The following BTAF1 variants were observed in gnomAD, a reference collection of about 807,000 sequenced individuals.
BTAF1 encodes the protein TATA-binding protein-associated factor 172.
A neutral mutation model predicts 227.1 loss-of-function variants in BTAF1; 38 were observed. That is an observed-to-expected ratio of 0.17 (90% CI 0.13 to 0.22). The LOEUF (loss-of-function observed/expected upper bound fraction) is 0.22, where lower values mean the gene tolerates loss of function less well. Among genes scored for constraint, BTAF1 ranks in the 10% least tolerant of loss-of-function variants. The pLI is 1.00. For missense variants in BTAF1, 1,598 were observed against 2,204.0 expected, an observed-to-expected ratio of 0.73 and a Z score of 5.51; for synonymous variants, 742 against 751.9, an observed-to-expected ratio of 0.99 and a Z score of 0.21.
rs1190198573 is a variant in BTAF1 at position 92,026,616 on chromosome 10, C to T, written c.5100C>T (p.Asp1700=). Residue 1700 remains aspartate, a synonymous_variant, in exon 36 of 38, where the codon GAC becomes GAT. Transcript: ENST00000265990. ...GGTTTAATAATGATCCATCTATAGA[C>T]GTTCTGTTACTTACCACTCACGTTG... ...VSRFNNDPSI[D]VLLLTTHVGG... is the part of the protein sequence containing the mutation. 1.1e-5 allele frequency: 17 copies of T among 1,613,462 alleles called. No homozygotes were observed. The highest frequency in any genetic ancestry group is 4.0e-5 in the African/African-American group (3 of 74,982).
At chr10:91,937,932 A>G (rs1471754510) in intron 2 of BTAF1, among the ~76,000 whole-genome samples, 7 of 152,346 alleles carry the variant, frequency 4.6e-5, no homozygotes, top group South Asian at 4.1e-4. Context: ...ATCCTTGTCA[A>G]TACTTCTTGA....
rs896539429 is a variant in BTAF1, at chr10:91,963,925, A to T, written c.1405-152A>T. 6 of 724,662 alleles carry T rather than the reference A, an allele frequency of 8.3e-6. No homozygotes were observed. The African/African-American group carries it at 1.1e-4, about 13-fold the overall frequency. The allele number at this position is 724,662 out of a possible 1,614,324, so 44.9% of individuals were successfully genotyped here. On this transcript the variant is annotated intron_variant, in intron 12 of 37. Transcript: ENST00000265990. The stretch of plus-strand genomic sequence containing the variant: ...AGAATTGTTAAAGGCAAATAGTGTG[A>T]CCTCCTTAACTTTACTCAAAATTGA...
chr10:92,012,770 C>CAAAAAAAAAAAAA, intron 30 of BTAF1, among the ~76,000 whole-genome samples: 1 of 92,628 alleles, frequency 1.1e-5, no homozygotes, highest in Non-Finnish European at 2.0e-5. Context: ...GACTCTGTCT[C>CAAAAAAAAAAAAA]AAAAAAAAAA....
intron 34 of BTAF1, 21 bp from the exon 35 acceptor site, chr10:92,024,732 GTTT>G: frequency 2.4e-6 from 3 of 1,267,174 alleles, no homozygotes; most frequent in Non-Finnish European, 3.2e-6. Flanking sequence ...CGCTTATGTA[GTTT>G]TTTTTTTTTT....
rs1843659896 is a variant in BTAF1, at chr10:91,924,053, G to C, written c.-24G>C. The C allele has an allele frequency of 2.5e-6, 4 of 1,606,340 alleles. No individual in the cohort carries two copies. Among genetic ancestry groups the C allele is most frequent in the Non-Finnish European group, 3.4e-6 (4 of 1,177,786 alleles). On this transcript the variant is annotated 5_prime_UTR_variant, in exon 1 of 38. Coordinates refer to ENST00000265990, the MANE Select transcript of BTAF1 (RefSeq NM_003972.3). The stretch of plus-strand genomic sequence containing the variant: ...CTGCGCGGCGCGTAGGTCGCGGGGA[G>C]CTCCGAACCGCCGGCGCCCGGCCAT...
At chr10:91,926,832 T>G (rs1367285834) in intron 1 of BTAF1, among the ~76,000 whole-genome samples, 1 of 152,228 alleles carries the variant, frequency 6.6e-6, no homozygotes, top group Admixed American at 6.5e-5. Flanking sequence ...ATTTACTGAT[T>G]TGAAGATTTG....
intron 26 of BTAF1, 91 bp from the exon 27 acceptor site, chr10:92,008,733 TTTTTG>T: frequency 8.6e-7 from 1 of 1,158,132 alleles, no homozygotes; most frequent in Non-Finnish European, 1.2e-6. Context: ...TATAGAAATA[TTTTTG>T]TTTTGTGCAA....
At chr10:91,994,795 A>G (rs1564703586) in intron 23 of BTAF1, 151 bp downstream of exon 23, 2 of 620,098 alleles carry the variant, frequency 3.2e-6, no homozygotes, top group Non-Finnish European at 5.5e-6. Flanking sequence ...CTTTACTAAC[A>G]GTGCAACTCC....
intron 1 of BTAF1, 94 bp downstream of exon 1, chr10:91,924,184 A>C: frequency 2.8e-4 from 418 of 1,503,450 alleles, no homozygotes; most frequent in Non-Finnish European, 3.5e-4. Flanking sequence ...AGCGGTTCTC[A>C]TTGTCACTGG....
At chr10:91,949,785 T>G (rs560796931) in intron 4 of BTAF1, among the ~76,000 whole-genome samples, 35 of 152,150 alleles carry the variant, frequency 2.3e-4, no homozygotes, top group Admixed American at 1.6e-3. Flanking sequence ...CTTTCTAACT[T>G]CCTGGGATTG....
chr10:91,971,191 G>T (rs1847274382), intron 14 of BTAF1, among the ~76,000 whole-genome samples: 1 of 151,890 alleles, frequency 6.6e-6, no homozygotes, highest in Non-Finnish European at 1.5e-5. Context: ...CTTTTCAATG[G>T]CATCATTCAT....
intron 34 of BTAF1, among the ~76,000 whole-genome samples, chr10:92,022,986 A>G (rs1414508012): frequency 1.3e-5 from 2 of 152,180 alleles, no homozygotes; most frequent in Non-Finnish European, 2.9e-5. Flanking sequence ...AATTGTGACA[A>G]TAGATGTGAA....
At chr10:91,941,449 G>A (rs1259591911) in intron 3 of BTAF1, among the ~76,000 whole-genome samples, 1 of 152,186 alleles carries the variant, frequency 6.6e-6, no homozygotes, top group African/African-American at 2.4e-5. Context: ...AAGTCAGTAA[G>A]TAATTATATT....
intron 8 of BTAF1, among the ~76,000 whole-genome samples, chr10:91,958,567 T>G (rs960593505): frequency 6.6e-6 from 1 of 151,990 alleles, no homozygotes; most frequent in East Asian, 1.9e-4. Flanking sequence ...CCGGGCGTGG[T>G]GGCGGGCGCC....
chr10:92,019,891 G>GTT (rs11406652), intron 34 of BTAF1, among the ~76,000 whole-genome samples: 19,912 of 139,336 alleles, frequency 0.14, 1,547 homozygotes, highest in Middle Eastern at 0.22. Context: ...TGTTGTTGCT[G>GTT]TTTTTTTTTT....
chr10:91,977,606 A>AT (rs1337977007), intron 14 of BTAF1, among the ~76,000 whole-genome samples: 1 of 152,156 alleles, frequency 6.6e-6, no homozygotes, highest in Non-Finnish European at 1.5e-5. Flanking sequence ...AAGAAGCACA[A>AT]TTGCTGGATG....
intron 19 of BTAF1, among the ~76,000 whole-genome samples, chr10:91,985,295 TTA>T (rs36056013): frequency 6.7e-6 from 1 of 149,080 alleles, no homozygotes; most frequent in Non-Finnish European, 1.5e-5. Flanking sequence ...CTAATCTGTG[TTA>T]TATATATATA....
chr10:91,929,638 G>C lies in BTAF1; in HGVS notation c.14+5548G>C, dbSNP rs1416526731. 5.3e-5 allele frequency among the ~76,000 whole-genome samples: 8 copies of C among 152,318 alleles called. No homozygotes were observed. In the East Asian group the frequency reaches 1.5e-3, roughly 29 times the overall value. On this transcript the variant is annotated intron_variant, in intron 1 of 37. Transcript: ENST00000265990. ...TTCAGTGGGTCCTGGACAGGAAAAT[G>C]TTAATGTAGAAAAAACTACCTTAAT...
At chr10:92,007,044 G>GTT (rs923106337) in intron 25 of BTAF1, among the ~76,000 whole-genome samples, 2 of 145,278 alleles carry the variant, frequency 1.4e-5, no homozygotes, top group Non-Finnish European at 3.0e-5. Flanking sequence ...TCATATTTGG[G>GTT]TTTTTTTTTT....
Sources: allele counts gnomAD v4.1 joint callset (sites outside exome capture counted in the v4.1 genomes callset), GRCh38; gene constraint gnomAD v4.1.1; transcripts MANE v1.5; gene names NCBI Gene and HGNC (gene_info 2026-07-23, HGNC 2026-07-21).